Variants in MGAT1 observed in about 807,000 individuals in gnomAD.
MGAT1 encodes alpha-1,3-mannosyl-glycoprotein 2-beta-N-acetylglucosaminyltransferase.
MGAT1 carries 14 observed loss-of-function variants against 31.7 expected under a neutral mutation model. That is an observed-to-expected ratio of 0.44 (90% confidence interval 0.29 to 0.69). The LOEUF (loss-of-function observed/expected upper bound fraction) is 0.69. Ranked by LOEUF, MGAT1 falls within the 30% of genes least tolerant of loss-of-function variation. The probability of loss-of-function intolerance (pLI) is 0.12; values close to 1 mark genes in which losing one functional copy is unlikely to be tolerated. For missense variants in MGAT1, 557 were observed against 626.0 expected (o/e 0.89, Z 1.18); for synonymous variants, 338 against 276.0 (o/e 1.22, Z -2.23).
upstream of MGAT1, among the ~76,000 whole-genome samples, chr5:180,805,847 A>G (rs981808679): frequency 2.0e-5 from 3 of 152,142 alleles, no homozygotes; most frequent in Non-Finnish European, 2.9e-5. Context: ...TCACCCCACA[A>G]TGGAGACCCA....
chr5:180,800,791 G>C (rs866616377), intron 1 of MGAT1, among the ~76,000 whole-genome samples: 1 of 152,330 alleles, frequency 6.6e-6, no homozygotes, highest in African/African-American at 2.4e-5. Flanking sequence ...GGATACTTAC[G>C]GGTGAGGCCC....
intron 1 of MGAT1, among the ~76,000 whole-genome samples, chr5:180,794,411 T>TTTTTTATATATATATATATA (rs528893463): frequency 4.2e-5 from 6 of 142,028 alleles, no homozygotes; most frequent in African/African-American, 1.7e-4. Flanking sequence ...TTTTTTTTTA[T>TTTTTTATATATATATATATA]TATATATATA....
chr5:180,785,587 G>C lies in MGAT1; in HGVS notation c.*6047C>G, dbSNP rs1767514627. 6.6e-6 allele frequency: 1 copy of C among 152,268 alleles called. No individual in the cohort carries two copies. The highest frequency in any genetic ancestry group is 2.4e-5 in the African/African-American group (1 of 41,456). The allele number at this position is 152,268 out of a possible 1,614,324, so 9.4% of individuals were successfully genotyped here. A position where few individuals can be genotyped will look rare whatever the true frequency, so the allele number is the denominator to read the frequency against. ...CCCTGGAGCTCAAGGCCCCAAGTGT[G>C]CCTGTTCTAGCAAGAACCAGGAAGA... On this transcript the variant is annotated 3_prime_UTR_variant, in exon 2 of 2. Coordinates refer to ENST00000307826, the MANE Select transcript of MGAT1 (RefSeq NM_002406.4).
At chr5:180,807,824 C>G (rs1047326437) in intron 2 of MGAT1, among the ~76,000 whole-genome samples, 1 of 152,242 alleles carries the variant, frequency 6.6e-6, no homozygotes, top group African/African-American at 2.4e-5. Flanking sequence ...CTAAGGACAT[C>G]TTCTTAGGCT....
intron 1 of MGAT1, among the ~76,000 whole-genome samples, chr5:180,797,182 C>T (rs775440037): frequency 1.9e-4 from 29 of 152,188 alleles, no homozygotes; most frequent in Non-Finnish European, 2.9e-4. Context: ...CCAAGGCAGG[C>T]GGATCACCTG....
At chr5:180,795,496 G>C (rs1305456725) in intron 1 of MGAT1, 1 of 152,084 alleles carries the variant, frequency 6.6e-6, no homozygotes, top group African/African-American at 2.4e-5. Flanking sequence ...CCAATTCTTA[G>C]GTAATACACA....
At chr5:180,797,701 A>ACTCTG (rs1769773641) in intron 1 of MGAT1, among the ~76,000 whole-genome samples, 1 of 131,382 alleles carries the variant, frequency 7.6e-6, no homozygotes, top group African/African-American at 2.8e-5. Flanking sequence ...TGCAGAGCCC[A>ACTCTG]CAGGAAAAGC....
Position 180,792,025 on chromosome 5 carries a change from C to A in MGAT1, c.947G>T (p.Arg316Leu), listed in dbSNP as rs1250760987. ...GAACTGCCCGTGGCTCACACCCTTG[C>A]GGCCAAAGGTCATCGTTCTTGAGAT... ...PEISRTMTFG[R>L]KGVSHGQFFD... Residue 316 changes from arginine to leucine, a missense_variant, in exon 2 of 2, where the codon CGC becomes CTC. Coordinates refer to ENST00000307826, the MANE Select transcript of MGAT1 (RefSeq NM_002406.4). 4.3e-6 allele frequency: 7 copies of A among 1,614,072 alleles called. No individual in the cohort carries two copies. The highest frequency in any genetic ancestry group is 5.9e-6 in the Non-Finnish European group (7 of 1,180,034).
In MGAT1 at chr5:180,788,820, T is replaced by C. The variant is rs1302396112; in HGVS notation, c.*2814A>G. On this transcript the variant is annotated 3_prime_UTR_variant, in exon 2 of 2. Coordinates refer to ENST00000307826, the MANE Select transcript of MGAT1 (RefSeq NM_002406.4). ...TATCCTGGAGCACTAAGTAAGTTGGTACTTATCCTGGAGCACTAAGTTGGT... is the reference window on the plus strand; with the variant it reads ...TATCCTGGAGCACTAAGTAAGTTGGCACTTATCCTGGAGCACTAAGTTGGT... 6.6e-6 allele frequency: 1 copy of C among 151,674 alleles called. No individual in the cohort carries two copies. Among genetic ancestry groups the C allele is most frequent in the Non-Finnish European group, 1.5e-5 (1 of 67,984 alleles). 9.4% of individuals were successfully genotyped at this position (151,674 alleles called of 1,614,324 possible).
upstream of MGAT1, among the ~76,000 whole-genome samples, chr5:180,804,139 G>C (rs1002270948): frequency 8.6e-6 from 1 of 116,824 alleles, no homozygotes; most frequent in Non-Finnish European, 1.9e-5. Context: ...GGGGCCTCAC[G>C]GGCCAAACCC....
chr5:180,807,403 G>A (rs1290359910), upstream of MGAT1, among the ~76,000 whole-genome samples: 1 of 152,206 alleles, frequency 6.6e-6, no homozygotes, highest in Non-Finnish European at 1.5e-5. Flanking sequence ...ATTGAAGGAG[G>A]GAGCAGACAG....
In MGAT1 at chr5:180,795,298, T is replaced by TATATATATATATAC. The variant is rs549042117; in HGVS notation, c.-126-2202_-126-2201insGTATATATATATAT. On this transcript the variant is annotated intron_variant, in intron 1 of 1. Coordinates refer to ENST00000307826, the MANE Select transcript of MGAT1 (RefSeq NM_002406.4). ...ACAGGTATATATATATATATATATA[T>TATATATATATATAC]ACACACACACACATATATGTCAAAA... 291 of 148,950 alleles carry TATATATATATATAC rather than the reference T, an allele frequency of 2.0e-3. 2 individuals carry two copies. The highest frequency in any genetic ancestry group is 0.015 in the East Asian group (75 of 5,066). 9.2% of individuals were successfully genotyped at this position (148,950 alleles called of 1,614,324 possible). A position where few individuals can be genotyped will look rare whatever the true frequency, so the allele number is the denominator to read the frequency against.
chr5:180,805,556 C>A (rs978987285), upstream of MGAT1, among the ~76,000 whole-genome samples: 3 of 152,144 alleles, frequency 2.0e-5, no homozygotes, highest in Admixed American at 2.0e-4. Flanking sequence ...TTGAGACCAG[C>A]CTGGCCAACA....
chr5:180,797,303 G>A (rs1769604102), intron 1 of MGAT1, among the ~76,000 whole-genome samples: 1 of 151,284 alleles, frequency 6.6e-6, no homozygotes, highest in South Asian at 2.1e-4. Flanking sequence ...TCAGAAGGCT[G>A]AGACAGGAGA....
At position 180,789,100 on chromosome 5, in the gene MGAT1, T is replaced by C. The variant is rs1333293729; in HGVS notation, c.*2534A>G. ...AGCAACAGGGGAAGGCAAAACCCGC[T>C]CCACACAAATCTCAAAGGTTAAAAT... On this transcript the variant is annotated 3_prime_UTR_variant, in exon 2 of 2. Coordinates refer to ENST00000307826, the MANE Select transcript of MGAT1 (RefSeq NM_002406.4). 1 of 152,216 alleles carries C rather than the reference T, an allele frequency of 6.6e-6. No individual in the cohort carries two copies. The highest frequency in any genetic ancestry group is 1.5e-5 in the Non-Finnish European group (1 of 68,032). The allele number at this position is 152,216 out of a possible 1,614,324, so 9.4% of individuals were successfully genotyped here. A position where few individuals can be genotyped will look rare whatever the true frequency, so the allele number is the denominator to read the frequency against.
Position 180,786,354 on chromosome 5 carries a change from C to T in MGAT1, c.*5280G>A, listed in dbSNP as rs1767566544. 6.6e-6 allele frequency: 1 copy of T among 152,388 alleles called. No homozygotes were observed. Among genetic ancestry groups the T allele is most frequent in the Non-Finnish European group, 1.5e-5 (1 of 68,172 alleles). 9.4% of individuals were successfully genotyped at this position (152,388 alleles called of 1,614,324 possible). A position where few individuals can be genotyped will look rare whatever the true frequency, so the allele number is the denominator to read the frequency against. ...GTCAGGGTTCCTAATGCACTCCCCC[C>T]AAAGCTCCCCATCACCCTGCCCTCT... is the stretch of plus-strand genomic sequence containing the variant. On this transcript the variant is annotated 3_prime_UTR_variant, in exon 2 of 2. Coordinates refer to ENST00000307826, the MANE Select transcript of MGAT1 (RefSeq NM_002406.4).
rs1360859294 is a variant in MGAT1 at position 180,790,698 on chromosome 5, G to C, written c.*936C>G. 1 of 152,628 alleles carries C rather than the reference G, an allele frequency of 6.6e-6. No individual in the cohort carries two copies. Among genetic ancestry groups the C allele is most frequent in the East Asian group, 1.9e-4 (1 of 5,196 alleles). 9.5% of individuals were successfully genotyped at this position (152,628 alleles called of 1,614,324 possible). A position where few individuals can be genotyped will look rare whatever the true frequency, so the allele number is the denominator to read the frequency against. On this transcript the variant is annotated 3_prime_UTR_variant, in exon 2 of 2. Coordinates refer to ENST00000307826, the MANE Select transcript of MGAT1 (RefSeq NM_002406.4). The stretch of plus-strand genomic sequence containing the variant: ...TGAGGACATGGGGCGCCTGGGAGCG[G>C]GCGGGGAGGCTGGGCAGCACTGGGC...
Position 180,792,788 on chromosome 5 carries a change from C to T in MGAT1, c.184G>A (p.Glu62Lys), listed in dbSNP as rs1027456660. The T allele has an allele frequency of 7.1e-6, 11 of 1,551,728 alleles. No individual in the cohort carries two copies. Among genetic ancestry groups the T allele is most frequent in the Non-Finnish European group, 9.6e-6 (11 of 1,148,226 alleles). Residue 62 changes from glutamate (E) to lysine (K), a missense_variant, in exon 2 of 2, where the codon GAG (glutamate) becomes AAG (lysine). By Grantham distance (56) the Glu-to-Lys change is moderately conservative (BLOSUM62 1). Around this residue, in one of 3 missense-constraint regions of MGAT1, gnomAD observed 167 missense variants for 149.8 expected, o/e 1.11. Transcript: ENST00000307826. ...REVIRLAQDAEVELERQRGLL... is the reference protein window; with the variant it reads ...REVIRLAQDAKVELERQRGLL... ...CCACGCTGCCGCTCCAGCTCCACCT[C>T]GGCGTCTTGGGCCAGGCGAATCACT... is the stretch of plus-strand genomic sequence containing the variant.
intron 1 of MGAT1, among the ~76,000 whole-genome samples, chr5:180,812,556 GCA>G (rs926017708): frequency 3.3e-5 from 5 of 151,240 alleles, no homozygotes; most frequent in African/African-American, 9.7e-5. Context: ...TTATACACAC[GCA>G]CACACACACA....
Sources: allele counts gnomAD v4.1 joint callset (sites outside exome capture counted in the v4.1 genomes callset), GRCh38; gene constraint gnomAD v4.1.1; regional missense constraint gnomAD v4.1.1; transcripts MANE v1.5; gene names NCBI Gene and HGNC (gene_info 2026-07-23, HGNC 2026-07-21).